Variants in PRRG4 observed in about 807,000 individuals in gnomAD.
PRRG4 encodes the protein transmembrane gamma-carboxyglutamic acid protein 4.
PRRG4 carries 12 observed loss-of-function variants against 20.0 expected under a neutral mutation model. The ratio of observed to expected loss-of-function variants is 0.60; its 90% confidence interval spans 0.38 to 0.97. The LOEUF (loss-of-function observed/expected upper bound fraction) is 0.97. Among genes scored for constraint, PRRG4 ranks in the 50% least tolerant of loss-of-function variants. PRRG4 has a pLI of 0.00. For missense variants in PRRG4, 199 were observed against 265.1 expected (o/e 0.75, Z 1.73); for synonymous variants, 94 against 96.4 (o/e 0.98, Z 0.15).
In PRRG4 at chr11:32,845,625, C is replaced by CA. The variant is rs749171678; in HGVS notation, c.449+5401dup. 7.6e-3 allele frequency among the ~76,000 whole-genome samples: 862 copies of CA among 113,470 alleles called. 2 individuals carry two copies. Among genetic ancestry groups the CA allele is most frequent in the Non-Finnish European group, 0.011 (569 of 53,348 alleles). 74.4% of individuals were successfully genotyped at this position (113,470 alleles called of 152,430 possible). On this transcript the variant is annotated intron_variant, in intron 5 of 5. Transcript: ENST00000257836. The stretch of plus-strand genomic sequence containing the variant: ...TGGGCAACAGAGCAAGACTCCGTTT[C>CA]AAAAAAAAAAAAAAAGATAACACTG...
At chr11:32,839,557 T>C (rs1210647034) in intron 4 of PRRG4, among the ~76,000 whole-genome samples, 2 of 151,212 alleles carry the variant, frequency 1.3e-5, no homozygotes, top group African/African-American at 4.8e-5. Flanking sequence ...ATGCTGAATA[T>C]TATCCATTTA....
chr11:32,850,004 A>G (rs932688238), intron 5 of PRRG4, among the ~76,000 whole-genome samples: 4 of 152,256 alleles, frequency 2.6e-5, no homozygotes, highest in African/African-American at 9.6e-5. Context: ...AGGACTTTTC[A>G]CTAAGATTTT....
chr11:32,835,055 C>T (rs939621477), intron 2 of PRRG4, among the ~76,000 whole-genome samples: 1 of 152,172 alleles, frequency 6.6e-6, no homozygotes. Flanking sequence ...CTCAAGCGAT[C>T]CACCTGCCTC....
At chr11:32,847,376 T>C (rs1851141175) in intron 5 of PRRG4, among the ~76,000 whole-genome samples, 1 of 152,180 alleles carries the variant, frequency 6.6e-6, no homozygotes, top group East Asian at 1.9e-4. Context: ...AGGTGTTCAA[T>C]GTTGTTAGAT....
intron 5 of PRRG4, among the ~76,000 whole-genome samples, chr11:32,852,401 G>C (rs889175304): frequency 6.6e-6 from 1 of 152,190 alleles, no homozygotes; most frequent in Non-Finnish European, 1.5e-5. Flanking sequence ...GGAAGGATTG[G>C]CCAGGCAGCA....
At chr11:32,843,252 G>T (rs117005785) in intron 5 of PRRG4, among the ~76,000 whole-genome samples, 4,015 of 152,168 alleles carry the variant, frequency 0.026, 70 homozygotes, top group Non-Finnish European at 0.04. Flanking sequence ...GGAGGCTGAG[G>T]TCTTTAAAAA....
Position 32,836,528 on chromosome 11 carries a change from T to G in PRRG4, c.104-130T>G, listed in dbSNP as rs1851020651. The G allele has an allele frequency of 1.5e-5, 7 of 457,214 alleles. No homozygotes were observed. The South Asian group carries it at 4.2e-4, about 27-fold the overall frequency. The allele number at this position is 457,214 out of a possible 1,614,324, so 28.3% of individuals were successfully genotyped here. On this transcript the variant is annotated intron_variant, in intron 2 of 5. Coordinates refer to ENST00000257836, the MANE Select transcript of PRRG4 (RefSeq NM_024081.6). ...TTCTTTCTTTTTTTGGGTTAGATTT[T>G]AAAACTTTACAAAAAAGTTTGGTAT...
intron 5 of PRRG4, among the ~76,000 whole-genome samples, chr11:32,844,468 T>C (rs12271197): frequency 6.2e-3 from 18 of 2,922 alleles, no homozygotes; most frequent in African/African-American, 0.042. Flanking sequence ...AAATGTTAGC[T>C]ATTATTATTA....
At position 32,855,437 on chromosome 11, in the gene PRRG4, G is replaced by A. The variant is rs1199836831; in HGVS notation, c.*1910G>A. ...TAGGATCACTTATAAAATGATCATT[G>A]TTTATTTTGTTTTATAATTTTTACA... On this transcript the variant is annotated 3_prime_UTR_variant, in exon 6 of 6. Coordinates refer to ENST00000257836, the MANE Select transcript of PRRG4 (RefSeq NM_024081.6). The A allele has an allele frequency of 6.6e-6, 1 of 152,062 alleles. No individual in the cohort carries two copies. Among genetic ancestry groups the A allele is most frequent in the Non-Finnish European group, 1.5e-5 (1 of 67,986 alleles). 9.4% of individuals were successfully genotyped at this position (152,062 alleles called of 1,614,324 possible).
At chr11:32,835,187 C>A (rs1172692346) in intron 2 of PRRG4, among the ~76,000 whole-genome samples, 1 of 152,166 alleles carries the variant, frequency 6.6e-6, no homozygotes, top group East Asian at 1.9e-4. Flanking sequence ...AACATTCAGA[C>A]CTGTTTGGAA....
intron 2 of PRRG4, among the ~76,000 whole-genome samples, chr11:32,833,911 G>A (rs571899468): frequency 6.6e-6 from 1 of 152,190 alleles, no homozygotes; most frequent in Non-Finnish European, 1.5e-5. Flanking sequence ...TAGGGATGGG[G>A]TTTCAAGGTA....
At chr11:32,845,731 G>A (rs193194782) in intron 5 of PRRG4, among the ~76,000 whole-genome samples, 1 of 152,178 alleles carries the variant, frequency 6.6e-6, no homozygotes, top group Non-Finnish European at 1.5e-5. Flanking sequence ...GGCGGACATG[G>A]GTTTTAGAGG....
chr11:32,849,980 A>G (rs1333341815), intron 5 of PRRG4, among the ~76,000 whole-genome samples: 1 of 152,252 alleles, frequency 6.6e-6, no homozygotes, highest in South Asian at 2.1e-4. Flanking sequence ...ACAGGAAATG[A>G]GCAAGGTCTT....
At chr11:32,842,610 C>T (rs1011793067) in intron 5 of PRRG4, among the ~76,000 whole-genome samples, 2 of 151,802 alleles carry the variant, frequency 1.3e-5, no homozygotes, top group Non-Finnish European at 2.9e-5. Flanking sequence ...ATCCCAGCTA[C>T]TCGGGAGGCT....
intron 2 of PRRG4, among the ~76,000 whole-genome samples, chr11:32,832,512 GCT>G (rs1482865720): frequency 9.6e-5 from 12 of 124,404 alleles, no homozygotes; most frequent in African/African-American, 1.6e-4. Context: ...ACAGAGTCTC[GCT>G]CTGTCTCCCA....
Position 32,853,422 on chromosome 11 carries a change from A to G in PRRG4, c.576A>G (p.Ala192=). 1.2e-6 allele frequency: 2 copies of G among 1,614,144 alleles called. No individual in the cohort carries two copies. The highest frequency in any genetic ancestry group is 1.7e-6 in the Non-Finnish European group (2 of 1,180,006). ...EDAGLPSYEQ[A]VALTRKHSVS... Reference sequence around the variant, plus strand: ...CAGGATTACCTTCTTATGAACAGGCAGTGGCGCTGACCAGAAAACACAGTG... The same window carrying G: ...CAGGATTACCTTCTTATGAACAGGCGGTGGCGCTGACCAGAAAACACAGTG... The change falls in exon 6 of 6, where the codon GCA becomes GCG. Residue 192 remains alanine (A), a synonymous_variant. Coordinates refer to ENST00000257836, the MANE Select transcript of PRRG4 (RefSeq NM_024081.6).
chr11:32,851,107 G>GA (rs1824514989), intron 5 of PRRG4, among the ~76,000 whole-genome samples: 1 of 151,992 alleles, frequency 6.6e-6, no homozygotes, highest in African/African-American at 2.4e-5. Flanking sequence ...GCCAAGAAAT[G>GA]AAAAGACCTT....
At chr11:32,838,860 G>A in intron 3 of PRRG4, 22 bp from the exon 4 acceptor site, 3 of 1,573,270 alleles carry the variant, frequency 1.9e-6, no homozygotes, top group Non-Finnish European at 1.7e-6. Context: ...GAATAAACTT[G>A]GGAATTTTAC....
intron 5 of PRRG4, among the ~76,000 whole-genome samples, chr11:32,850,205 T>G (rs1051555051): frequency 6.6e-6 from 1 of 152,220 alleles, no homozygotes; most frequent in African/African-American, 2.4e-5. Context: ...CATTATTTAG[T>G]GTCCTCGTGC....
Sources: gnomAD v4.1 joint callset for allele counts (sites outside exome capture counted in the v4.1 genomes callset) on GRCh38, gnomAD v4.1.1 for gene constraint, MANE v1.5 for transcripts, NCBI Gene and HGNC (gene_info 2026-07-23, HGNC 2026-07-21) for gene names.